Variants in LRRC4C observed in about 807,000 individuals in gnomAD.
LRRC4C encodes leucine-rich repeat-containing protein 4C.
Under a neutral mutation model 33.6 loss-of-function variants are expected in LRRC4C, and 5 were observed. The ratio of observed to expected loss-of-function variants is 0.15; its 90% CI spans 0.08 to 0.31. The LOEUF is 0.31. Ranked by LOEUF, LRRC4C falls within the 10% of genes least tolerant of loss-of-function variation. LRRC4C has a pLI of 1.00. For synonymous variants in LRRC4C, 329 were observed against 302.0 expected, an observed-to-expected ratio of 1.09 and a Z score of -0.93; for missense variants, 560 against 796.7, an observed-to-expected ratio of 0.70 and a Z score of 3.58.
chr11:40,116,143 C>T lies in LRRC4C; in HGVS notation c.150G>A (p.Val50=). The change falls in exon 7 of 7, where the codon GTG becomes GTA. Residue 50 remains valine, a synonymous_variant. Coordinates refer to ENST00000528697, the MANE Select transcript of LRRC4C (RefSeq NM_001258419.2). ...TGCTGAACTGGTTGCTGCAGGAGCA[C>T]ACAGAAGGGCAGGTCTGAGCCCGCA... ...GLVRAQTCPS[V]CSCSNQFSKV... is the part of the protein sequence containing the mutation. 6.2e-7 allele frequency: 1 copy of T among 1,613,916 alleles called. No homozygotes were observed. Among genetic ancestry groups the T allele is most frequent in the Non-Finnish European group, 8.5e-7 (1 of 1,179,982 alleles).
In LRRC4C at chr11:40,116,298, A is replaced by C; in HGVS notation, c.-6T>G. ...AAGGTCATCTTGTTCAACATTCATA[A>C]TTTATCTGGTGTTGGTCCTTCTGGA... On this transcript the variant is annotated 5_prime_UTR_variant, in exon 7 of 7. Transcript: ENST00000528697. The C allele has an allele frequency of 6.3e-7, 1 of 1,581,858 alleles. No homozygotes were observed. Among genetic ancestry groups the C allele is most frequent in the Non-Finnish European group, 8.6e-7 (1 of 1,159,796 alleles).
chr11:41,237,514 T>A (rs957420294), intron 1 of LRRC4C, among the ~76,000 whole-genome samples: 1 of 152,198 alleles, frequency 6.6e-6, no homozygotes, highest in Non-Finnish European at 1.5e-5. Flanking sequence ...TTAATTTACA[T>A]GTCAGCTGTA....
At chr11:40,438,265 T>C (rs891541740) in intron 3 of LRRC4C, among the ~76,000 whole-genome samples, 6 of 152,210 alleles carry the variant, frequency 3.9e-5, no homozygotes, top group Non-Finnish European at 5.9e-5. Flanking sequence ...TCTGCAAACA[T>C]TTTCTCACTT....
At chr11:40,277,518 T>C (rs1465931573) in intron 4 of LRRC4C, among the ~76,000 whole-genome samples, 2 of 152,018 alleles carry the variant, frequency 1.3e-5, no homozygotes, top group Non-Finnish European at 2.9e-5. Context: ...GTTACAGGTC[T>C]TACTCAGTGT....
rs530841852 is a variant in LRRC4C at position 41,095,208 on chromosome 11, C to T, written c.-495-161485G>A. ...ACATGGAGGCTGGAGAGAGAGAGAG[C>T]GCACAACGAGCAAGTGCCTCACTTT... On this transcript the variant is annotated intron_variant, in intron 1 of 6. Coordinates refer to ENST00000528697, the MANE Select transcript of LRRC4C (RefSeq NM_001258419.2). Among the ~76,000 whole-genome samples the T allele has an allele frequency of 6.0e-5, 9 of 150,476 alleles. No homozygotes were observed. In the East Asian group the frequency reaches 7.8e-4, roughly 13 times the overall value.
At chr11:41,300,125 CATT>C (rs1950247088) in intron 1 of LRRC4C, among the ~76,000 whole-genome samples, 1 of 152,260 alleles carries the variant, frequency 6.6e-6, no homozygotes, top group East Asian at 1.9e-4. Flanking sequence ...ATTGGGATAA[CATT>C]ATCAGTTTGA....
chr11:41,233,702 T>C (rs1017654481), intron 1 of LRRC4C, among the ~76,000 whole-genome samples: 4 of 152,060 alleles, frequency 2.6e-5, no homozygotes, highest in African/African-American at 7.2e-5. Flanking sequence ...AACACAGATT[T>C]TGTTCTTTGA....
At chr11:41,387,527 A>G (rs1953408919) in intron 1 of LRRC4C, among the ~76,000 whole-genome samples, 1 of 151,780 alleles carries the variant, frequency 6.6e-6, no homozygotes, top group South Asian at 2.1e-4. Context: ...GGTTATTTAT[A>G]TCAAAGATAT....
At chr11:40,316,191 C>T (rs1312169698) in intron 4 of LRRC4C, among the ~76,000 whole-genome samples, 1 of 151,952 alleles carries the variant, frequency 6.6e-6, no homozygotes, top group African/African-American at 2.4e-5. Flanking sequence ...AATATTGTCT[C>T]ACTTGAAATT....
intron 4 of LRRC4C, among the ~76,000 whole-genome samples, chr11:40,275,343 G>T (rs994628001): frequency 1.3e-5 from 2 of 152,046 alleles, no homozygotes; most frequent in African/African-American, 4.8e-5. Context: ...ATTTCATCCT[G>T]CTCCTTATAA....
intron 2 of LRRC4C, among the ~76,000 whole-genome samples, chr11:40,764,976 G>A (rs975433262): frequency 5.9e-5 from 9 of 152,114 alleles, no homozygotes; most frequent in Non-Finnish European, 1.3e-4. Context: ...TTCCCACGAA[G>A]GATAGGTACA....
intron 5 of LRRC4C, among the ~76,000 whole-genome samples, chr11:40,198,155 G>T (rs750908915): frequency 7.9e-5 from 12 of 152,182 alleles, no homozygotes; most frequent in Non-Finnish European, 1.6e-4. Context: ...AGAGAGAAAA[G>T]GAAGGCGAAA....
chr11:41,045,760 T>G (rs1857735164), intron 1 of LRRC4C, among the ~76,000 whole-genome samples: 1 of 152,064 alleles, frequency 6.6e-6, no homozygotes, highest in African/African-American at 2.4e-5. Flanking sequence ...GAAAGTATTT[T>G]CCTATCTCAG....
At chr11:40,982,821 C>A (rs958619590) in intron 1 of LRRC4C, among the ~76,000 whole-genome samples, 4 of 152,136 alleles carry the variant, frequency 2.6e-5, no homozygotes, top group Non-Finnish European at 4.4e-5. Flanking sequence ...TCTTCCTCCT[C>A]CTACCCTCTG....
intron 1 of LRRC4C, among the ~76,000 whole-genome samples, chr11:40,969,259 G>A (rs990148227): frequency 6.9e-6 from 1 of 145,586 alleles, no homozygotes; most frequent in Non-Finnish European, 1.5e-5. Context: ...GATAAAATTT[G>A]AATGGTTAGG....
chr11:40,238,630 G>A (rs1286797400), intron 5 of LRRC4C, among the ~76,000 whole-genome samples: 1 of 152,138 alleles, frequency 6.6e-6, no homozygotes, highest in Non-Finnish European at 1.5e-5. Context: ...TTATTTGAAA[G>A]AAAATTGTAA....
At chr11:40,388,855 C>T (rs1949219992) in intron 3 of LRRC4C, among the ~76,000 whole-genome samples, 1 of 152,056 alleles carries the variant, frequency 6.6e-6, no homozygotes, top group South Asian at 2.1e-4. Context: ...TCAGATATTC[C>T]CTGAAGTTCA....
intron 5 of LRRC4C, among the ~76,000 whole-genome samples, chr11:40,154,924 T>C (rs1411098363): frequency 6.6e-6 from 1 of 152,116 alleles, no homozygotes; most frequent in Non-Finnish European, 1.5e-5. Context: ...AGCACGTGGA[T>C]CTTTCTCCAA....
At chr11:41,439,983 T>G (rs928011385) in intron 1 of LRRC4C, among the ~76,000 whole-genome samples, 3 of 152,188 alleles carry the variant, frequency 2.0e-5, no homozygotes, top group Admixed American at 2.0e-4. Flanking sequence ...CCTGTGCAAA[T>G]TTTTAGTTTA....
Sources: allele counts gnomAD v4.1 joint callset (sites outside exome capture counted in the v4.1 genomes callset), GRCh38; gene constraint gnomAD v4.1.1; transcripts MANE v1.5; gene names NCBI Gene and HGNC (gene_info 2026-07-23, HGNC 2026-07-21).